KATNIP: variants seen among roughly 807,000 people sequenced by gnomAD.
The protein encoded by KATNIP is katanin-interacting protein.
Under a neutral mutation model 174.0 loss-of-function variants are expected in KATNIP, and 126 were observed. That is an observed-to-expected ratio of 0.72 (90% CI 0.63 to 0.84). The LOEUF (loss-of-function observed/expected upper bound fraction) is 0.84. Among genes scored for constraint, KATNIP ranks in the 40% least tolerant of loss-of-function variants. The pLI, the probability that KATNIP is intolerant of heterozygous loss-of-function variation, is 0.00. For synonymous variants in KATNIP, 810 were observed against 835.7 expected, an observed-to-expected ratio of 0.97 and a Z score of 0.53; for missense variants, 1,958 against 2,109.7, an observed-to-expected ratio of 0.93 and a Z score of 1.41.
Position 27,720,652 on chromosome 16 carries a change from G to A in KATNIP, c.1606-906G>A, listed in dbSNP as rs1295074171. Among the ~76,000 whole-genome samples, 4 of 152,066 alleles carry A rather than the reference G, an allele frequency of 2.6e-5. No homozygotes were observed. The East Asian group carries it at 7.7e-4, about 29-fold the overall frequency. On this transcript the variant is annotated intron_variant, in intron 13 of 27. Coordinates refer to ENST00000261588, the MANE Select transcript of KATNIP (RefSeq NM_015202.5). ...AAAGAGATGATCGTGGGACACCGAG[G>A]TAGGCACCAAGCTTGGGGACTGCAA... is the stretch of plus-strand genomic sequence containing the variant.
At chr16:27,754,837 A>G (rs949706908) in intron 18 of KATNIP, 2 of 152,272 alleles carry the variant, frequency 1.3e-5, no homozygotes, top group Non-Finnish European at 2.9e-5. Context: ...AAAATATCAC[A>G]TGAGCCAAAT....
At position 27,629,616 on chromosome 16, in the gene KATNIP, G is replaced by A. The variant is rs760603398; in HGVS notation, c.310+786G>A. 1.2e-4 allele frequency among the ~76,000 whole-genome samples: 18 copies of A among 152,146 alleles called. No individual in the cohort carries two copies. The East Asian group carries it at 1.5e-3, about 13-fold the overall frequency. On this transcript the variant is annotated intron_variant, in intron 4 of 27. Transcript: ENST00000261588. Reference sequence around the variant, plus strand: ...TCCCAACCCAGCCTAGCATAGACACGGAAAATGATTGGGCAGTTGAATGAA... The same window carrying A: ...TCCCAACCCAGCCTAGCATAGACACAGAAAATGATTGGGCAGTTGAATGAA...
chr16:27,630,670 C>CTTCA (rs56746799), intron 4 of KATNIP, among the ~76,000 whole-genome samples: 4,740 of 152,082 alleles, frequency 0.031, 192 homozygotes, highest in African/African-American at 0.096. Context: ...CCAGCAGTAC[C>CTTCA]TTCATTCATT....
chr16:27,661,048 A>C (rs2077459881), intron 6 of KATNIP, among the ~76,000 whole-genome samples: 1 of 152,200 alleles, frequency 6.6e-6, no homozygotes, highest in Non-Finnish European at 1.5e-5. Flanking sequence ...CACACAAGGG[A>C]CTTCAGTCAT....
intron 1 of KATNIP, among the ~76,000 whole-genome samples, chr16:27,569,271 A>G (rs576173021): frequency 6.6e-6 from 1 of 152,242 alleles, no homozygotes; most frequent in Non-Finnish European, 1.5e-5. Context: ...GATGAAGATT[A>G]TCTTCATCTA....
chr16:27,570,734 G>A (rs569828542), intron 1 of KATNIP, among the ~76,000 whole-genome samples: 9 of 152,002 alleles, frequency 5.9e-5, no homozygotes, highest in Non-Finnish European at 7.4e-5. Context: ...TTGTTAACTC[G>A]CCACCGTGAA....
rs1320909870 is a variant in KATNIP at position 27,698,467 on chromosome 16, C to G, written c.1080C>G (p.Ser360Arg). 3.7e-6 allele frequency: 6 copies of G among 1,611,660 alleles called. No individual in the cohort carries two copies. Among genetic ancestry groups the G allele is most frequent in the Non-Finnish European group, 4.2e-6 (5 of 1,178,986 alleles). Residue 360 changes from serine (S) to arginine (R), a missense_variant, in exon 9 of 28, where the codon AGC (serine) becomes AGG (arginine). Coordinates refer to ENST00000261588, the MANE Select transcript of KATNIP (RefSeq NM_015202.5). ...CAGCCCTGCAGAGGGCGCTCCTCAG[C>G]AGAAAGGCCGAGCAGCCAGCCAGCC... The part of the protein sequence containing the change: ...ENAALQRALL[S>R]RKAEQPASPL...
intron 2 of KATNIP, 65 bp from the exon 3 acceptor site, chr16:27,618,360 A>C: frequency 7.9e-7 from 1 of 1,267,780 alleles, no homozygotes; most frequent in Non-Finnish European, 1.2e-6. Context: ...TGTGTGCTGC[A>C]CCTGCACTCT....
At chr16:27,619,729 C>G (rs115010469) in intron 3 of KATNIP, among the ~76,000 whole-genome samples, 1 of 152,270 alleles carries the variant, frequency 6.6e-6, no homozygotes, top group African/African-American at 2.4e-5. Flanking sequence ...AGATACCTAC[C>G]TACTGAGGCA....
chr16:27,691,464 G>C (rs1410014907), intron 8 of KATNIP, among the ~76,000 whole-genome samples: 1 of 152,214 alleles, frequency 6.6e-6, no homozygotes, highest in Non-Finnish European at 1.5e-5. Flanking sequence ...CTAGGTCTGT[G>C]ATGGGAATAA....
intron 1 of KATNIP, 99 bp from the exon 2 acceptor site, chr16:27,573,802 G>T: frequency 9.6e-7 from 1 of 1,039,126 alleles, no homozygotes; most frequent in Non-Finnish European, 1.5e-6. Context: ...GATTATGATT[G>T]GTCCCATCTA....
intron 6 of KATNIP, among the ~76,000 whole-genome samples, chr16:27,663,505 CAG>C (rs1444257159): frequency 2.6e-5 from 4 of 151,750 alleles, no homozygotes; most frequent in Non-Finnish European, 5.9e-5. Flanking sequence ...TGCAGTGCAA[CAG>C]AGTCTTGCTC....
chr16:27,664,571 C>A (rs1384910260), intron 6 of KATNIP, among the ~76,000 whole-genome samples: 1 of 152,120 alleles, frequency 6.6e-6, no homozygotes, highest in Non-Finnish European at 1.5e-5. Flanking sequence ...AATAAGCTTC[C>A]CTGGAAACTC....
chr16:27,698,409 C>T lies in KATNIP; in HGVS notation c.1022C>T (p.Ser341Phe). The stretch of plus-strand genomic sequence containing the variant: ...GCTGAGTACCCAGAGGAAGATGCCT[C>T]TGCTGTGCTCCAAGCCATCCAGGTG... Reference protein sequence around the residue: ...CEAEYPEEDASAVLQAIQVEN... With the variant: ...CEAEYPEEDAFAVLQAIQVEN... Residue 341 changes from serine to phenylalanine, a missense_variant, in exon 9 of 28, where the codon TCT (serine) becomes TTT (phenylalanine). This residue lies in a region of KATNIP where 1,557 missense variants were observed against 1,617.8 expected (regional missense o/e 0.96). Transcript: ENST00000261588. The T allele has an allele frequency of 6.2e-7, 1 of 1,613,758 alleles. No homozygotes were observed. The highest frequency in any genetic ancestry group is 8.5e-7 in the Non-Finnish European group (1 of 1,179,876).
rs2082597959 is a variant in KATNIP, at chr16:27,778,783, C to T, written c.*154C>T. On this transcript the variant is annotated 3_prime_UTR_variant, in exon 28 of 28. Coordinates refer to ENST00000261588, the MANE Select transcript of KATNIP (RefSeq NM_015202.5). Reference sequence around the variant, plus strand: ...GGGAAGAGGGGACTCGGGAGGACAGCCCTGGATACTACCAGAGTGACAGAT... The same window carrying T: ...GGGAAGAGGGGACTCGGGAGGACAGTCCTGGATACTACCAGAGTGACAGAT... The T allele has an allele frequency of 1.1e-5, 7 of 628,738 alleles. No individual in the cohort carries two copies. In the East Asian group the frequency reaches 2.0e-4, roughly 18 times the overall value. 38.9% of individuals were successfully genotyped at this position (628,738 alleles called of 1,614,324 possible).
intron 1 of KATNIP, among the ~76,000 whole-genome samples, chr16:27,566,119 C>G (rs1444212549): frequency 6.6e-6 from 1 of 151,932 alleles, no homozygotes; most frequent in Non-Finnish European, 1.5e-5. Context: ...CAGGCATGAG[C>G]CACTGTGCCC....
intron 1 of KATNIP, among the ~76,000 whole-genome samples, chr16:27,568,239 A>G (rs747633233): frequency 3.9e-5 from 6 of 152,328 alleles, no homozygotes; most frequent in Middle Eastern, 3.4e-3. Flanking sequence ...ACAGTGTTCA[A>G]TTACATTGTG....
At chr16:27,589,892 C>T (rs901826644) in intron 2 of KATNIP, among the ~76,000 whole-genome samples, 26 of 151,984 alleles carry the variant, frequency 1.7e-4, no homozygotes, top group African/African-American at 6.3e-4. Context: ...TCCCTCCTGC[C>T]TCACCCTCCC....
intron 1 of KATNIP, among the ~76,000 whole-genome samples, chr16:27,550,663 T>G (rs2089313647): frequency 6.6e-6 from 1 of 152,176 alleles, no homozygotes; most frequent in Non-Finnish European, 1.5e-5. Context: ...TGCTTTCCAG[T>G]ACCAAGAACT....
Sources: allele counts gnomAD v4.1 joint callset (sites outside exome capture counted in the v4.1 genomes callset), GRCh38; gene constraint gnomAD v4.1.1; regional missense constraint gnomAD v4.1.1; transcripts MANE v1.5; gene names NCBI Gene and HGNC (gene_info 2026-07-23, HGNC 2026-07-21).